Variants in HSD11B1 observed in about 807,000 individuals in gnomAD.
The protein encoded by HSD11B1 is hydroxysteroid 11-beta dehydrogenase 1.
HSD11B1 carries 15 observed loss-of-function variants against 22.1 expected under a neutral mutation model. That is an observed-to-expected ratio of 0.68 (90% CI 0.45 to 1.04). HSD11B1 has a LOEUF of 1.04. Ranked by LOEUF, HSD11B1 falls within the 50% of genes least tolerant of loss-of-function variation. HSD11B1 has a pLI of 0.00. For missense variants in HSD11B1, 281 were observed against 357.6 expected (o/e 0.79, Z 1.73); for synonymous variants, 122 against 125.2 (o/e 0.97, Z 0.17).
In HSD11B1 at chr1:209,689,968, G is replaced by A. The variant is rs2102351216; in HGVS notation, c.-49+3683G>A. 1.3e-5 allele frequency among the ~76,000 whole-genome samples: 2 copies of A among 152,246 alleles called. 1 individual carries two copies. Among genetic ancestry groups the A allele is most frequent in the South Asian group, 4.1e-4 (2 of 4,824 alleles). On this transcript the variant is annotated intron_variant, in intron 1 of 6. Transcript: ENST00000261465. ...GCCACAGCAACATCAATATCCCCCA[G>A]AGATAAGGGAAGATATTTCATGAAT...
At chr1:209,686,329 T>G (rs1396894572) in intron 1 of HSD11B1, 1 of 152,178 alleles carries the variant, frequency 6.6e-6, no homozygotes, top group Admixed American at 6.5e-5. Context: ...GTATCACCAT[T>G]TGTATCAGGG....
At chr1:209,732,608 A>G in intron 5 of HSD11B1, 29 bp downstream of exon 5, 1 of 1,563,712 alleles carries the variant, frequency 6.4e-7, no homozygotes, top group South Asian at 1.1e-5. Context: ...GTTTTTTTTT[A>G]ATTATTATAC....
intron 4 of HSD11B1, among the ~76,000 whole-genome samples, chr1:209,719,222 A>C (rs1224712728): frequency 6.6e-6 from 1 of 152,152 alleles, no homozygotes; most frequent in Non-Finnish European, 1.5e-5. Context: ...AATCTTTAAA[A>C]GGAAAGAAAT....
intron 5 of HSD11B1, among the ~76,000 whole-genome samples, chr1:209,733,102 A>G (rs1038367022): frequency 7.9e-5 from 12 of 152,050 alleles, no homozygotes; most frequent in Non-Finnish European, 1.5e-4. Context: ...TTTGCTGAAC[A>G]CCTTATGTCC....
rs572565237 is a variant in HSD11B1, at chr1:209,719,015, A to G, written c.517+11887A>G. On this transcript the variant is annotated intron_variant, in intron 4 of 5. Transcript: ENST00000367027. ...AGGCTGGGTGACACAGTGAGACTCC[A>G]TCTCAAAAAAAAAAAAAAAAAGGAA... 3.1e-3 allele frequency among the ~76,000 whole-genome samples: 441 copies of G among 143,170 alleles called. 4 individuals are homozygous for G. Among genetic ancestry groups the G allele is most frequent in the African/African-American group, 0.011 (411 of 37,174 alleles). The allele number at this position is 143,170 out of a possible 152,430, so 93.9% of individuals were successfully genotyped here.
At chr1:209,718,487 T>C (rs527882847) in intron 4 of HSD11B1, among the ~76,000 whole-genome samples, 1 of 152,168 alleles carries the variant, frequency 6.6e-6, no homozygotes, top group South Asian at 2.1e-4. Context: ...CATTAATCAT[T>C]AGGGAAATGC....
upstream of HSD11B1, chr1:209,704,793 G>A: frequency 1.5e-6 from 1 of 646,822 alleles, no homozygotes; most frequent in Admixed American, 2.4e-5. Context: ...CTCTGACAGG[G>A]AAATTGGCTA....
At chr1:209,733,901 G>A (rs549598325) in intron 5 of HSD11B1, among the ~76,000 whole-genome samples, 2 of 152,240 alleles carry the variant, frequency 1.3e-5, no homozygotes, top group South Asian at 2.1e-4. Context: ...AAGACAGTAA[G>A]TCATTATCAT....
At chr1:209,700,987 T>A (rs958407738), upstream of HSD11B1, among the ~76,000 whole-genome samples, 6 of 152,232 alleles carry the variant, frequency 3.9e-5, no homozygotes, top group African/African-American at 1.4e-4. Flanking sequence ...AGCATTTTTG[T>A]CAAAGCTATT....
chr1:209,697,426 G>A (rs976891062), intron 1 of HSD11B1, among the ~76,000 whole-genome samples: 10 of 152,246 alleles, frequency 6.6e-5, no homozygotes, highest in African/African-American at 2.4e-4. Context: ...CTGCTGGCCC[G>A]TCCCACATGT....
At chr1:209,690,087 G>A (rs981903067) in intron 1 of HSD11B1, among the ~76,000 whole-genome samples, 3 of 152,204 alleles carry the variant, frequency 2.0e-5, no homozygotes, top group Admixed American at 1.3e-4. Flanking sequence ...AGACTGAAGT[G>A]GGAGGATCAC....
chr1:209,721,477 A>AAG (rs201481822), intron 4 of HSD11B1, among the ~76,000 whole-genome samples: 5,922 of 151,514 alleles, frequency 0.039, 568 homozygotes, highest in East Asian at 0.29. Flanking sequence ...AGCAAAAAAA[A>AAG]AAAAAAAAAA....
intron 1 of HSD11B1, among the ~76,000 whole-genome samples, chr1:209,698,208 TAGA>T (rs1190975537): frequency 2.7e-5 from 4 of 146,416 alleles, no homozygotes; most frequent in Non-Finnish European, 6.2e-5. Context: ...GATAGATAGA[TAGA>T]TAGATAGGAA....
chr1:209,712,286 C>T (rs1277119554), intron 4 of HSD11B1, among the ~76,000 whole-genome samples: 1 of 152,094 alleles, frequency 6.6e-6, no homozygotes, highest in African/African-American at 2.4e-5. Context: ...GATCAGTGTA[C>T]AGCCAGCACT....
chr1:209,697,910 T>TTTTTTTTTTTTTTGTTTTTTTTG, intron 1 of HSD11B1, among the ~76,000 whole-genome samples: 1 of 133,270 alleles, frequency 7.5e-6, no homozygotes, highest in Non-Finnish European at 1.6e-5. Flanking sequence ...TTTTTTTTTT[T>TTTTTTTTTTTTTTGTTTTTTTTG]TTTTGAGATG....
chr1:209,726,227 G>A (rs2077000000), intron 4 of HSD11B1, among the ~76,000 whole-genome samples: 1 of 137,920 alleles, frequency 7.3e-6, no homozygotes, highest in African/African-American at 2.7e-5. Flanking sequence ...GTTGCAGTGA[G>A]CCAAGATCGC....
intron 4 of HSD11B1, among the ~76,000 whole-genome samples, chr1:209,716,058 C>T (rs1274317222): frequency 6.6e-6 from 1 of 152,180 alleles, no homozygotes; most frequent in Non-Finnish European, 1.5e-5. Context: ...CACTCTTATT[C>T]AACACAGTAC....
rs532497052 is a variant in HSD11B1 at position 209,694,877 on chromosome 1, G to A, written c.-49+8592G>A. On this transcript the variant is annotated intron_variant, in intron 1 of 6. Transcript: ENST00000261465. ...AGGTGAGGTGGCCAGAGAAATGTGA[G>A]GAGGTCACTAAAGCAGAAAACAGTG... Among the ~76,000 whole-genome samples, 11 of 152,320 alleles carry A rather than the reference G, an allele frequency of 7.2e-5. No homozygotes were observed. The East Asian group carries it at 2.1e-3, about 29-fold the overall frequency.
At chr1:209,695,098 T>C (rs920011658) in intron 1 of HSD11B1, among the ~76,000 whole-genome samples, 3 of 152,144 alleles carry the variant, frequency 2.0e-5, no homozygotes, top group African/African-American at 4.8e-5. Context: ...GTTTGGCTGT[T>C]CCCCCCTTTG....
Sources: allele counts gnomAD v4.1 joint callset (sites outside exome capture counted in the v4.1 genomes callset), GRCh38; gene constraint gnomAD v4.1.1; transcripts MANE v1.5; gene names NCBI Gene and HGNC (gene_info 2026-07-23, HGNC 2026-07-21).